The following DENND3 variants were observed in gnomAD, a reference collection of about 807,000 sequenced individuals.
The protein encoded by DENND3 is DENN domain containing 3.
DENND3 carries 88 observed loss-of-function variants against 135.1 expected under a neutral mutation model. That is an observed-to-expected ratio of 0.65 (90% confidence interval 0.55 to 0.78). DENND3 has a LOEUF of 0.78. Ranked by LOEUF, DENND3 falls within the 30% of genes least tolerant of loss-of-function variation. The pLI is 0.00. For synonymous variants in DENND3, 693 were observed against 712.3 expected, an observed-to-expected ratio of 0.97 and a Z score of 0.43; for missense variants, 1,392 against 1,688.4, an observed-to-expected ratio of 0.82 and a Z score of 3.08.
rs376538687 is a variant in DENND3, at chr8:141,176,624, C to T, written c.2569C>T (p.Arg857Trp). ...GAGAACCACTACTACATTTCTACTT[C>T]GGAGAATACCCACTTTAAAAATCAG... is the stretch of plus-strand genomic sequence containing the variant. The part of the protein sequence containing the change: ...VRRTTTTFLL[R>W]RIPTLKIRVA... The change falls in exon 15 of 23, where the codon CGG becomes TGG. Residue 857 changes from arginine to tryptophan, a missense_variant. Physicochemically the swap from Arg to Trp is moderately radical, Grantham distance 101. Coordinates refer to ENST00000519811, the MANE Select transcript of DENND3 (RefSeq NM_001352890.3). The T allele has an allele frequency of 5.3e-5, 86 of 1,614,120 alleles. No homozygotes were observed. In the African/African-American group the frequency reaches 5.3e-4, roughly 10 times the overall value.
At chr8:141,184,831 T>C in intron 17 of DENND3, 1 of 247,230 alleles carries the variant, frequency 4.0e-6, no homozygotes, top group Non-Finnish European at 7.8e-6. Context: ...TGCCTGGCTG[T>C]TTCCTCTAGT....
rs4406443 is a variant in DENND3 at position 141,155,703 on chromosome 8, G to C, written c.1075-146G>C. 0.013 allele frequency: 13,816 copies of C among 1,034,190 alleles called. 1,254 individuals are homozygous for C. In the African/African-American group the frequency reaches 0.2, roughly 15 times the overall value. 64.1% of individuals were successfully genotyped at this position (1,034,190 alleles called of 1,614,324 possible). On this transcript the variant is annotated intron_variant, in intron 7 of 22. Transcript: ENST00000519811. Reference sequence around the variant, plus strand: ...ATTACAGGTATGAGTCACTGCACCCGGCCTATGTGTGCATTTTAAAGAGGG... The same window carrying C: ...ATTACAGGTATGAGTCACTGCACCCCGCCTATGTGTGCATTTTAAAGAGGG...
At chr8:141,142,312 G>T (rs186045441) in intron 4 of DENND3, 1 of 448,790 alleles carries the variant, frequency 2.2e-6, no homozygotes, top group Non-Finnish European at 4.5e-6. Flanking sequence ...CGAGGAGAAA[G>T]CAGTTAACAA....
rs544727949 is a variant in DENND3 at position 141,178,153 on chromosome 8, C to T, written c.2793C>T (p.Tyr931=). 134 of 1,613,420 alleles carry T rather than the reference C, an allele frequency of 8.3e-5. 3 individuals are homozygous for T. In the Middle Eastern group the frequency reaches 1.8e-3, roughly 22 times the overall value. The change falls in exon 16 of 23, where the codon TAC becomes TAT. Residue 931 remains tyrosine, a synonymous_variant. Transcript: ENST00000519811. ...VGTLQSPGAI[Y]AASKLSYFDK... The stretch of plus-strand genomic sequence containing the variant: ...CACTGCAGTCACCAGGCGCCATCTA[C>T]GCTGCCTCCAAGTTATCCTACTTTG...
At chr8:141,188,837 C>T in intron 18 of DENND3, 149 bp from the exon 19 acceptor site, 2 of 1,040,848 alleles carry the variant, frequency 1.9e-6, no homozygotes, top group Non-Finnish European at 2.7e-6. Context: ...AACGTCAGGG[C>T]CAGAGGCTCC....
rs1011326007 is a variant in DENND3, at chr8:141,144,028, A to G, written c.624-120A>G. The G allele has an allele frequency of 3.7e-6, 3 of 818,876 alleles. No homozygotes were observed. Among genetic ancestry groups the G allele is most frequent in the Non-Finnish European group, 5.6e-6 (3 of 540,354 alleles). The allele number at this position is 818,876 out of a possible 1,614,324, so 50.7% of individuals were successfully genotyped here. ...AGCTTGGTGACTTTGCTTTTGGTGA[A>G]AGGTCCTGGAGCTGCTGCTGCAGAC... On this transcript the variant is annotated intron_variant, in intron 4 of 22. Transcript: ENST00000519811. This position sits in a 1 kb window ranked among gnomAD's most constrained non-coding sequence, Gnocchi z 4.4.
intron 17 of DENND3, among the ~76,000 whole-genome samples, chr8:141,183,138 G>A (rs1180336922): frequency 6.6e-6 from 1 of 152,162 alleles, no homozygotes; most frequent in Non-Finnish European, 1.5e-5. Flanking sequence ...CTAGGTGATA[G>A]GGTAGAAGAA....
At chr8:141,157,892 C>T (rs4961332) in intron 8 of DENND3, 538,340 of 840,682 alleles carry the variant, frequency 0.64, 174,592 homozygotes, top group South Asian at 0.73. Context: ...CCGGAGTAGC[C>T]GGGATTACAG....
Position 141,175,495 on chromosome 8 carries a change from C to A in DENND3, c.2535+36C>A. 1 of 1,613,606 alleles carries A rather than the reference C, an allele frequency of 6.2e-7. No individual in the cohort carries two copies. The highest frequency in any genetic ancestry group is 8.5e-7 in the Non-Finnish European group (1 of 1,180,004). ...CACAGGCAGACGGCGCCAGACCCCACCTGTGTTTAGGAGACAGATGGCTGG... is the reference window on the plus strand; with the variant it reads ...CACAGGCAGACGGCGCCAGACCCCAACTGTGTTTAGGAGACAGATGGCTGG... On this transcript the variant is annotated intron_variant, in intron 14 of 22. Coordinates refer to ENST00000519811, the MANE Select transcript of DENND3 (RefSeq NM_001352890.3). The surrounding 1 kb of genome is among the most constrained non-coding windows in gnomAD (Gnocchi z 5.4).
At chr8:141,189,343 T>C (rs1009835302) in intron 19 of DENND3, among the ~76,000 whole-genome samples, 197 bp downstream of exon 19, 9 of 152,214 alleles carry the variant, frequency 5.9e-5, no homozygotes, top group African/African-American at 2.2e-4. Context: ...ATGACACCAG[T>C]GTGGGCCAAG....
At chr8:141,150,108 T>C (rs979982039) in intron 5 of DENND3, among the ~76,000 whole-genome samples, 2 of 152,230 alleles carry the variant, frequency 1.3e-5, no homozygotes, top group African/African-American at 4.8e-5. Context: ...ATCCGTCCAT[T>C]ACGCTCGTTT....
At chr8:141,151,201 G>A (rs914285943) in intron 6 of DENND3, among the ~76,000 whole-genome samples, 21 of 152,208 alleles carry the variant, frequency 1.4e-4, no homozygotes, top group African/African-American at 4.3e-4. Flanking sequence ...GGAAGAGCCC[G>A]CAGTCAGTCT....
intron 7 of DENND3, 73 bp from the exon 8 acceptor site, chr8:141,155,776 A>T: frequency 2.0e-6 from 3 of 1,493,476 alleles, no homozygotes; most frequent in Non-Finnish European, 1.8e-6. Flanking sequence ...AAACATATTT[A>T]TGTGTTTTCA....
At chr8:141,131,113 T>C (rs1299493960) in intron 1 of DENND3, among the ~76,000 whole-genome samples, 1 of 152,206 alleles carries the variant, frequency 6.6e-6, no homozygotes, top group Non-Finnish European at 1.5e-5. Flanking sequence ...TGTTGGATAG[T>C]GGAGGGCCCT....
At chr8:141,192,108 A>ATATT (rs1824836032) in intron 20 of DENND3, 1 of 491,794 alleles carries the variant, frequency 2.0e-6, no homozygotes, top group African/African-American at 1.9e-5. Context: ...AACTGCCCAT[A>ATATT]TATTTACGTT....
intron 13 of DENND3, among the ~76,000 whole-genome samples, chr8:141,173,154 G>T (rs915194448): frequency 2.7e-5 from 4 of 150,812 alleles, no homozygotes; most frequent in African/African-American, 9.8e-5. Context: ...CGACCTCACA[G>T]ATGACCTTGC....
chr8:141,176,607 C>T lies in DENND3; in HGVS notation c.2552C>T (p.Thr851Ile). The part of the protein sequence containing the change: ...FRNIEEVRRT[T>I]TTFLLRRIPT... The stretch of plus-strand genomic sequence containing the variant: ...CCTCTGCAGGAGGTCAGGAGAACCA[C>T]TACTACATTTCTACTTCGGAGAATA... Residue 851 changes from threonine (T) to isoleucine (I), a missense_variant, in exon 15 of 23, where the codon ACT becomes ATT. By Grantham distance (89) the Thr-to-Ile change is moderately conservative (BLOSUM62 -1). Coordinates refer to ENST00000519811, the MANE Select transcript of DENND3 (RefSeq NM_001352890.3). 1.2e-6 allele frequency: 2 copies of T among 1,614,248 alleles called. No homozygotes were observed. The highest frequency in any genetic ancestry group is 2.2e-5 in the South Asian group (2 of 91,088).
chr8:141,135,966 G>T (rs1234902331), intron 1 of DENND3, among the ~76,000 whole-genome samples: 2 of 152,152 alleles, frequency 1.3e-5, no homozygotes, highest in Non-Finnish European at 2.9e-5. Flanking sequence ...TGGCCCACGT[G>T]GGGGTGTGGA....
rs773227190 is a variant in DENND3, at chr8:141,154,872, A to AGCCTTTC, written c.1075-977_1075-976insGCCTTTC. On this transcript the variant is annotated intron_variant, in intron 7 of 22. Coordinates refer to ENST00000519811, the MANE Select transcript of DENND3 (RefSeq NM_001352890.3). The surrounding 1 kb of genome is among the most constrained non-coding windows in gnomAD (Gnocchi z 4.4). ...GCCACTGCACCCAGCCTGTGTTGGAATCTTCACTGAAAGAGAAAGGCATAT... is the reference window on the plus strand; with the variant it reads ...GCCACTGCACCCAGCCTGTGTTGGAAGCCTTTCTCTTCACTGAAAGAGAAAGGCATAT... Among the ~76,000 whole-genome samples the AGCCTTTC allele has an allele frequency of 1.3e-5, 2 of 152,194 alleles. No individual in the cohort carries two copies. Among genetic ancestry groups the AGCCTTTC allele is most frequent in the Non-Finnish European group, 2.9e-5 (2 of 68,028 alleles).
Sources: allele counts gnomAD v4.1 joint callset (sites outside exome capture counted in the v4.1 genomes callset), GRCh38; gene constraint gnomAD v4.1.1; non-coding constraint Gnocchi (gnomAD v3.1); transcripts MANE v1.5; gene names NCBI Gene and HGNC (gene_info 2026-07-23, HGNC 2026-07-21).